The following LDLRAD4 variants were observed in gnomAD, a reference collection of about 807,000 sequenced individuals.
The protein encoded by LDLRAD4 is low-density lipoprotein receptor class A domain-containing protein 4.
A neutral mutation model predicts 17.0 loss-of-function variants in LDLRAD4; 5 were observed. The ratio of observed to expected loss-of-function variants is 0.29; its 90% CI spans 0.15 to 0.62. The LOEUF is 0.62. Among genes scored for constraint, LDLRAD4 ranks in the 20% least tolerant of loss-of-function variants. The probability of loss-of-function intolerance (pLI) is 0.84; values close to 1 mark genes in which losing one functional copy is unlikely to be tolerated. For synonymous variants in LDLRAD4, 168 were observed against 171.8 expected, an observed-to-expected ratio of 0.98 and a Z score of 0.17; for missense variants, 340 against 424.7, an observed-to-expected ratio of 0.80 and a Z score of 1.75.
chr18:13,387,600 G>A, exon 2 of LDLRAD4: 1 of 901,718 alleles, frequency 1.1e-6, no homozygotes, highest in Non-Finnish European at 1.8e-6. Context: ...GATGCTCCCA[G>A]AGGCCGGCCC....
At chr18:13,441,974 A>G (rs2091052832) in intron 3 of LDLRAD4, among the ~76,000 whole-genome samples, 1 of 152,178 alleles carries the variant, frequency 6.6e-6, no homozygotes, top group Non-Finnish European at 1.5e-5. Flanking sequence ...TCCTGGCTGC[A>G]TCTTTCTGTG....
intron 3 of LDLRAD4, among the ~76,000 whole-genome samples, chr18:13,550,933 A>T (rs1183965164): frequency 6.6e-6 from 1 of 152,074 alleles, no homozygotes; most frequent in Admixed American, 6.5e-5. Context: ...GTGGGCAGAG[A>T]TGGCTGGCCA....
chr18:13,419,405 A>T (rs1051229749), intron 2 of LDLRAD4: 1 of 152,030 alleles, frequency 6.6e-6, no homozygotes, highest in Admixed American at 6.6e-5. Flanking sequence ...GGAGATTTTT[A>T]TTTTTTTTAT....
chr18:13,612,499 C>T (rs2039667246), intron 3 of LDLRAD4: 2 of 1,359,762 alleles, frequency 1.5e-6, no homozygotes, highest in African/African-American at 1.5e-5. Flanking sequence ...TGGGGTGGGC[C>T]CTGCTGATAC....
intron 5 of LDLRAD4, among the ~76,000 whole-genome samples, chr18:13,643,772 CAT>C (rs1461106240): frequency 1.3e-5 from 2 of 152,178 alleles, no homozygotes; most frequent in Admixed American, 1.3e-4. Context: ...TTTAAAATAA[CAT>C]GTTTTTGCCT....
chr18:13,249,635 T>A (rs2043136669), intron 1 of LDLRAD4, among the ~76,000 whole-genome samples: 4 of 152,266 alleles, frequency 2.6e-5, no homozygotes, highest in South Asian at 4.1e-4. Flanking sequence ...GTTCCTTGTA[T>A]ATTTTGTATA....
intron 1 of LDLRAD4, among the ~76,000 whole-genome samples, chr18:13,383,505 G>A (rs2085545877): frequency 6.6e-6 from 1 of 152,230 alleles, no homozygotes; most frequent in South Asian, 2.1e-4. Flanking sequence ...AAGCTGAGTG[G>A]CAGCTCATGA....
chr18:13,577,891 C>G (rs539206396), intron 3 of LDLRAD4, among the ~76,000 whole-genome samples: 1 of 152,304 alleles, frequency 6.6e-6, no homozygotes, highest in African/African-American at 2.4e-5. Flanking sequence ...TTTCCTTACT[C>G]TGGAATCATG....
chr18:13,427,876 G>T (rs1294808606), intron 2 of LDLRAD4, among the ~76,000 whole-genome samples: 2 of 118,730 alleles, frequency 1.7e-5, no homozygotes, highest in African/African-American at 5.3e-5. Flanking sequence ...TTCTAGTGAG[G>T]ATATTTACTC....
rs915109725 is a variant in LDLRAD4 at position 13,544,419 on chromosome 18, T to C, written c.182-76698T>C. Among the ~76,000 whole-genome samples, 7 of 152,238 alleles carry C rather than the reference T, an allele frequency of 4.6e-5. No individual in the cohort carries two copies. In the South Asian group the frequency reaches 1.4e-3, roughly 32 times the overall value. On this transcript the variant is annotated intron_variant, in intron 3 of 5. Transcript: ENST00000359446. ...TTTGAAGCTGGAAGGAATTGAGCCC[T>C]GAGCTTAATACAGTTACAGACCCAG...
intron 1 of LDLRAD4, among the ~76,000 whole-genome samples, chr18:13,230,688 G>C (rs1287626420): frequency 6.6e-6 from 1 of 152,146 alleles, no homozygotes; most frequent in Admixed American, 6.5e-5. Flanking sequence ...GAGGGTGTCT[G>C]CGAGTGTCAT....
chr18:13,306,517 A>G (rs1224503518), intron 1 of LDLRAD4, among the ~76,000 whole-genome samples: 2 of 152,342 alleles, frequency 1.3e-5, no homozygotes, highest in East Asian at 1.9e-4. Context: ...AAGACATCTC[A>G]TATCAGCCTC....
chr18:13,247,696 G>C (rs2043024111), intron 1 of LDLRAD4, among the ~76,000 whole-genome samples: 1 of 152,102 alleles, frequency 6.6e-6, no homozygotes. Context: ...TGCAAAGTTT[G>C]TGCCTGGCGG....
At chr18:13,459,758 T>A (rs976777153) in intron 3 of LDLRAD4, among the ~76,000 whole-genome samples, 1 of 152,200 alleles carries the variant, frequency 6.6e-6, no homozygotes, top group African/African-American at 2.4e-5. Context: ...TATGGCTTTG[T>A]CTATAGAAAG....
At chr18:13,238,716 G>A (rs12458598) in intron 1 of LDLRAD4, among the ~76,000 whole-genome samples, 70,865 of 151,996 alleles carry the variant, frequency 0.47, 17,134 homozygotes, top group African/African-American at 0.6. Context: ...CAATACCTGG[G>A]AGGGGCCTAC....
intron 2 of LDLRAD4, among the ~76,000 whole-genome samples, chr18:13,414,050 C>T (rs1024658893): frequency 2.0e-5 from 3 of 152,142 alleles, no homozygotes; most frequent in African/African-American, 7.2e-5. Context: ...CATATTTTCT[C>T]AAACCAGAGG....
At chr18:13,250,879 A>G (rs1216359961) in intron 1 of LDLRAD4, among the ~76,000 whole-genome samples, 1 of 152,268 alleles carries the variant, frequency 6.6e-6, no homozygotes, top group Admixed American at 6.5e-5. Context: ...GACTTATTCT[A>G]CAAGGCCAGC....
chr18:13,347,254 T>C (rs2082748785), intron 1 of LDLRAD4, among the ~76,000 whole-genome samples: 1 of 152,264 alleles, frequency 6.6e-6, no homozygotes. Flanking sequence ...GGAGCTCTTG[T>C]AGGGCAGGCC....
chr18:13,585,620 C>G (rs1354995732), intron 3 of LDLRAD4, among the ~76,000 whole-genome samples: 1 of 152,190 alleles, frequency 6.6e-6, no homozygotes, highest in African/African-American at 2.4e-5. Context: ...CCCACTCCCC[C>G]TTTCAAGCCC....
Sources: gnomAD v4.1 joint callset for allele counts (sites outside exome capture counted in the v4.1 genomes callset) on GRCh38, gnomAD v4.1.1 for gene constraint, MANE v1.5 for transcripts, NCBI Gene and HGNC (gene_info 2026-07-23, HGNC 2026-07-21) for gene names.